The following ERCC6 variants were observed in gnomAD, a reference collection of about 807,000 sequenced individuals.
ERCC6 encodes DNA excision repair protein ERCC-6.
A neutral mutation model predicts 158.7 loss-of-function variants in ERCC6; 116 were observed. The ratio of observed to expected loss-of-function variants is 0.73; its 90% CI spans 0.63 to 0.85. ERCC6 has a LOEUF of 0.85. ERCC6 is among the 40% of genes least tolerant of loss of function. The probability of loss-of-function intolerance (pLI) is 0.00; values close to 1 mark genes in which losing one functional copy is unlikely to be tolerated. For synonymous variants in ERCC6, 678 were observed against 659.3 expected, an observed-to-expected ratio of 1.03 and a Z score of -0.43; for missense variants, 1,698 against 1,799.4, an observed-to-expected ratio of 0.94 and a Z score of 1.02.
chr10:49,528,775 G>A (rs987212005), intron 3 of ERCC6, among the ~76,000 whole-genome samples: 7 of 152,080 alleles, frequency 4.6e-5, no homozygotes, highest in African/African-American at 1.4e-4. Flanking sequence ...TCCTGAGGAC[G>A]GCAGACTGCC....
At chr10:49,499,019 C>G (rs991480371) in intron 7 of ERCC6, among the ~76,000 whole-genome samples, 1 of 152,086 alleles carries the variant, frequency 6.6e-6, no homozygotes, top group East Asian at 1.9e-4. Flanking sequence ...ACAGAAAAAG[C>G]ATTTTATTTG....
At chr10:49,439,208 C>T in the ERCC6 span, among the ~76,000 whole-genome samples, 1 of 152,240 alleles carries the variant, frequency 6.6e-6, no homozygotes, top group African/African-American at 2.4e-5. Flanking sequence ...CATGAGTGCC[C>T]CGCCCCTGCA....
intron 1 of ERCC6, among the ~76,000 whole-genome samples, chr10:49,536,894 AAAAC>A (rs1312489597): frequency 6.6e-6 from 1 of 152,188 alleles, no homozygotes; most frequent in Non-Finnish European, 1.5e-5. Context: ...TAAAAAAACA[AAAAC>A]AAACAAACAA....
At chr10:49,497,074 G>C (rs1382598130) in intron 7 of ERCC6, among the ~76,000 whole-genome samples, 1 of 152,144 alleles carries the variant, frequency 6.6e-6, no homozygotes, top group African/African-American at 2.4e-5. Context: ...TGGGTGGAAA[G>C]GGCCAGACTA....
chr10:49,506,139 T>A (rs1851439232), intron 5 of ERCC6, 127 bp from the exon 6 acceptor site: 8 of 1,012,688 alleles, frequency 7.9e-6, no homozygotes. Flanking sequence ...ATGCTGCCAT[T>A]ATTACCCAAA....
the ERCC6 span, among the ~76,000 whole-genome samples, chr10:49,442,690 G>A: frequency 6.6e-6 from 1 of 152,170 alleles, no homozygotes; most frequent in Admixed American, 6.5e-5. Context: ...ACCATGCTGG[G>A]GGCAGGTGGC....
downstream of ERCC6, among the ~76,000 whole-genome samples, chr10:49,449,829 C>T (rs909865551): frequency 5.3e-5 from 8 of 151,864 alleles, no homozygotes; most frequent in Non-Finnish European, 1.0e-4. Flanking sequence ...GGATTACAGG[C>T]GTGAGCCACC....
chr10:49,516,076 A>G (rs1209791827), intron 5 of ERCC6: 3 of 1,614,152 alleles, frequency 1.9e-6, no homozygotes, highest in Non-Finnish European at 2.5e-6. Flanking sequence ...ACAAAATGGT[A>G]TTGTCCAGGG....
intron 7 of ERCC6, among the ~76,000 whole-genome samples, chr10:49,497,719 T>C (rs967720466): frequency 5.3e-5 from 8 of 152,200 alleles, no homozygotes; most frequent in African/African-American, 1.9e-4. Flanking sequence ...ACATGAGTAA[T>C]GGCTAAGTGT....
chr10:49,531,541 T>C (rs1487307697), intron 2 of ERCC6, among the ~76,000 whole-genome samples: 1 of 152,146 alleles, frequency 6.6e-6, no homozygotes, highest in Non-Finnish European at 1.5e-5. Flanking sequence ...AGCATCACTC[T>C]GCATGGAGAC....
At chr10:49,534,365 C>A (rs1483261512) in intron 1 of ERCC6, among the ~76,000 whole-genome samples, 1 of 152,150 alleles carries the variant, frequency 6.6e-6, no homozygotes, top group Non-Finnish European at 1.5e-5. Context: ...TCAAGCAATT[C>A]TAGGTATTTA....
In ERCC6 at chr10:49,472,962, C is replaced by G. The variant is rs765252538; in HGVS notation, c.2776G>C (p.Ala926Pro). ...GGGTCATAGATGACAACTCTGTTTG[C>G]CCCCGTCAGGTTGACACCTAAGCCG... ...VGGLGVNLTGANRVVIYDPDW... is the reference protein window; with the variant it reads ...VGGLGVNLTGPNRVVIYDPDW... Residue 926 changes from alanine (A) to proline (P), a missense_variant, in exon 15 of 21, where the codon GCA becomes CCA. By Grantham distance (27) the Ala-to-Pro change is conservative. Transcript: ENST00000355832. 42 of 1,613,978 alleles carry G rather than the reference C, an allele frequency of 2.6e-5. No individual in the cohort carries two copies. The highest frequency in any genetic ancestry group is 3.4e-5 in the Non-Finnish European group (40 of 1,179,998).
chr10:49,465,340 A>G (rs1008328180), intron 18 of ERCC6, among the ~76,000 whole-genome samples: 5 of 152,174 alleles, frequency 3.3e-5, no homozygotes, highest in African/African-American at 1.2e-4. Flanking sequence ...ACCCTATTGT[A>G]TCTAGGAAGT....
downstream of ERCC6, among the ~76,000 whole-genome samples, chr10:49,452,802 T>C (rs913673972): frequency 6.0e-5 from 9 of 150,960 alleles, no homozygotes; most frequent in African/African-American, 2.2e-4. Context: ...TGGGTTAACC[T>C]TTTTATCATT....
At position 49,471,067 on chromosome 10, in the gene ERCC6, CTT is replaced by C. The variant is rs1250947986; in HGVS notation, c.2976_2977del (p.Arg993AlafsTer7). 1 of 1,613,846 alleles carries C rather than the reference CTT, an allele frequency of 6.2e-7. No individual in the cohort carries two copies. The highest frequency in any genetic ancestry group is 8.5e-7 in the Non-Finnish European group (1 of 1,179,972). ...GAGATCATTGGATTTGAAAAACCGC[CTT>C]TGTTTTGGGTCTTTTAGCACTCTAT... On this transcript the variant is annotated frameshift_variant, in exon 17 of 21. Transcript: ENST00000355832. LOFTEE classifies it high-confidence loss of function.
At chr10:49,476,735 TACCAGACTTGCCTTGGACGGCA>T (rs1210526161) in intron 11 of ERCC6, among the ~76,000 whole-genome samples, 1 of 152,136 alleles carries the variant, frequency 6.6e-6, no homozygotes, top group Non-Finnish European at 1.5e-5. Flanking sequence ...GCCCATGAGT[TACCAGACTTGCCTTGGACGGCA>T]ACCCTTACCC....
intron 5 of ERCC6, chr10:49,516,317 A>G (rs776731520): frequency 1.2e-6 from 2 of 1,614,140 alleles, no homozygotes; most frequent in East Asian, 2.2e-5. Context: ...CAAAGCTGAA[A>G]TATGTTTCAT....
At chr10:49,484,920 A>T in intron 8 of ERCC6, among the ~76,000 whole-genome samples, 1 of 152,228 alleles carries the variant, frequency 6.6e-6, no homozygotes, top group East Asian at 1.9e-4. Flanking sequence ...AAGAAGGAAA[A>T]GTGGTGACCA....
rs1329194280 is a variant in ERCC6 at position 49,505,864 on chromosome 10, A to C, written c.1526+20T>G. 5 of 1,612,420 alleles carry C rather than the reference A, an allele frequency of 3.1e-6. No individual in the cohort carries two copies. In the African/African-American group the frequency reaches 4.0e-5, roughly 13 times the overall value. The stretch of plus-strand genomic sequence containing the variant: ...AATGGCTTGATAGCAAATAGAAAGG[A>C]AAGAACATATGGTACATACTTAAAA... On this transcript the variant is annotated intron_variant, in intron 6 of 20. Coordinates refer to ENST00000355832, the MANE Select transcript of ERCC6 (RefSeq NM_000124.4).
Sources: gnomAD v4.1 joint callset for allele counts (sites outside exome capture counted in the v4.1 genomes callset) on GRCh38, gnomAD v4.1.1 for gene constraint, MANE v1.5 for transcripts, NCBI Gene and HGNC (gene_info 2026-07-23, HGNC 2026-07-21) for gene names.